OTOG: variants seen among roughly 807,000 people sequenced by gnomAD.
OTOG encodes the protein otogelin.
In OTOG, 296 loss-of-function variants were observed where a neutral mutation model predicts 313.8. That is an observed-to-expected ratio of 0.94 (90% confidence interval 0.86 to 1.04). OTOG has a LOEUF of 1.04. Ranked by LOEUF, OTOG falls within the 50% of genes least tolerant of loss-of-function variation. The pLI is 0.00. For missense variants in OTOG, 3,948 were observed against 3,840.1 expected, an observed-to-expected ratio of 1.03 and a Z score of -0.74; for synonymous variants, 1,533 against 1,554.9, an observed-to-expected ratio of 0.99 and a Z score of 0.33.
chr11:17,575,313 A>C (rs1332353731), intron 20 of OTOG, among the ~76,000 whole-genome samples: 1 of 152,224 alleles, frequency 6.6e-6, no homozygotes, highest in Non-Finnish European at 1.5e-5. Flanking sequence ...CAAGACAGAC[A>C]CATAAATGAA....
intron 24 of OTOG, 123 bp downstream of exon 24, chr11:17,586,704 G>A: frequency 2.1e-6 from 1 of 486,712 alleles, no homozygotes. Flanking sequence ...TTGTGCGTTT[G>A]TGTGTTGTGT....
At position 17,557,336 on chromosome 11, in the gene OTOG, C is replaced by T. The variant is rs1267742230; in HGVS notation, c.865+13C>T. The T allele has an allele frequency of 1.3e-6, 2 of 1,549,512 alleles. No homozygotes were observed. Among genetic ancestry groups the T allele is most frequent in the Non-Finnish European group, 1.7e-6 (2 of 1,146,600 alleles). On this transcript the variant is annotated intron_variant, in intron 8 of 55. Coordinates refer to ENST00000399397, the MANE Select transcript of OTOG (RefSeq NM_001292063.2). ...GTGACCAGCTCTGGTGAGGGTCAGA[C>T]AGGTGGCCTCTGAGGGGTGTTGGTG...
At position 17,596,923 on chromosome 11, in the gene OTOG, T is replaced by A. The variant is rs932969509; in HGVS notation, c.3598T>A (p.Cys1200Ser). Residue 1200 changes from cysteine to serine, a missense_variant, in exon 30 of 56, where the codon TGC (cysteine) becomes AGC (serine). Cys to Ser is a moderately radical substitution (Grantham distance 112). Transcript: ENST00000399397. The stretch of plus-strand genomic sequence containing the variant: ...CTGCAGCCAGGGTGGTGACTGTGAG[T>A]GCTTCTGTGCCAGCGTCTCCGCTTA... ...CGCSQGGDCE[C>S]FCASVSAYAH... 6 of 1,550,664 alleles carry A rather than the reference T, an allele frequency of 3.9e-6. No homozygotes were observed. In the Admixed American group the frequency reaches 1.2e-4, roughly 30 times the overall value.
chr11:17,552,614 C>CTGTGTCTCCCCCCTGTCCTG (rs1158447407), intron 4 of OTOG, among the ~76,000 whole-genome samples: 1 of 151,698 alleles, frequency 6.6e-6, no homozygotes, highest in Non-Finnish European at 1.5e-5. Context: ...CCCACCTGTC[C>CTGTGTCTCCCCCCTGTCCTG]TCTCACATCA....
At chr11:17,577,155 G>A (rs1200775009) in intron 22 of OTOG, among the ~76,000 whole-genome samples, 1 of 152,222 alleles carries the variant, frequency 6.6e-6, no homozygotes, top group Non-Finnish European at 1.5e-5. Flanking sequence ...CTGAGACTTT[G>A]TCTTCCTTCA....
chr11:17,629,071 G>A, intron 39 of OTOG, 62 bp from the exon 40 acceptor site: 3 of 1,432,466 alleles, frequency 2.1e-6, no homozygotes, highest in South Asian at 1.3e-5. Flanking sequence ...CGGACAGATG[G>A]ATGGATGGAT....
intron 39 of OTOG, among the ~76,000 whole-genome samples, chr11:17,625,821 C>T (rs1008136464): frequency 1.1e-4 from 17 of 152,110 alleles, no homozygotes; most frequent in African/African-American, 3.9e-4. Context: ...TCCCATTTGT[C>T]CATTTTGCTT....
At chr11:17,552,337 C>A (rs2133996296) in intron 4 of OTOG, among the ~76,000 whole-genome samples, 1 of 152,324 alleles carries the variant, frequency 6.6e-6, no homozygotes, top group South Asian at 2.1e-4. Context: ...TCCAGTGAGA[C>A]TGTGCTTCAT....
At position 17,558,541 on chromosome 11, in the gene OTOG, G is replaced by T. The variant is rs553254322; in HGVS notation, c.1000G>T (p.Val334Leu). Residue 334 changes from valine (V) to leucine (L), a missense_variant, in exon 10 of 56, where the codon GTG becomes TTG. Physicochemically the swap from Val to Leu is conservative, Grantham distance 32. Coordinates refer to ENST00000399397, the MANE Select transcript of OTOG (RefSeq NM_001292063.2). Reference sequence around the variant, plus strand: ...GGCTCCTGGTCCCTTGCTCTAGGGCGTGTACGAGCAGTGTGAGGCTCTACT... The same window carrying T: ...GGCTCCTGGTCCCTTGCTCTAGGGCTTGTACGAGCAGTGTGAGGCTCTACT... ...LQQNPGTMQG[V>L]YEQCEALLRP... The T allele has an allele frequency of 4.5e-6, 7 of 1,550,308 alleles. No individual in the cohort carries two copies. Among genetic ancestry groups the T allele is most frequent in the African/African-American group, 1.4e-5 (1 of 73,060 alleles).
intron 7 of OTOG, among the ~76,000 whole-genome samples, chr11:17,556,130 A>G (rs1352020998): frequency 6.6e-6 from 1 of 152,134 alleles, no homozygotes; most frequent in African/African-American, 2.4e-5. Context: ...TCCAGACAGC[A>G]GGCTTTCAGG....
chr11:17,588,627 C>T (rs1852861520), intron 24 of OTOG, among the ~76,000 whole-genome samples: 1 of 152,158 alleles, frequency 6.6e-6, no homozygotes, highest in Non-Finnish European at 1.5e-5. Flanking sequence ...TGCCCCTTTA[C>T]TTCTAAAGAT....
At chr11:17,589,256 C>T (rs140608909) in intron 24 of OTOG, among the ~76,000 whole-genome samples, 170 of 152,262 alleles carry the variant, frequency 1.1e-3, no homozygotes, top group Non-Finnish European at 2.1e-3. Context: ...ATTGTATTTC[C>T]CGGGTCTCCT....
chr11:17,612,738 T>A lies in OTOG; in HGVS notation c.6411T>A (p.His2137Gln). 2 of 1,550,558 alleles carry A rather than the reference T, an allele frequency of 1.3e-6. 1 individual carries two copies. The highest frequency in any genetic ancestry group is 2.4e-5 in the South Asian group (2 of 84,058). Reference protein sequence around the residue: ...SQSPDEMLTVHVLDCKSANLG... With the variant: ...SQSPDEMLTVQVLDCKSANLG... ...GCCCAGATGAAATGCTCACCGTCCA[T>A]GTACTGGACTGCAAAAGTGCCAACC... Residue 2137 changes from histidine to glutamine, a missense_variant, in exon 38 of 56, where the codon CAT (histidine) becomes CAA (glutamine). Transcript: ENST00000399397.
At chr11:17,623,086 G>A (rs554740157) in intron 39 of OTOG, among the ~76,000 whole-genome samples, 61 of 152,240 alleles carry the variant, frequency 4.0e-4, no homozygotes, top group African/African-American at 1.4e-3. Flanking sequence ...GCATTTCTCT[G>A]ATGATCCATG....
rs770794840 is a variant in OTOG at position 17,572,141 on chromosome 11, T to C, written c.2017T>C (p.Ser673Pro). 1.3e-6 allele frequency: 2 copies of C among 1,550,528 alleles called. No homozygotes were observed. The highest frequency in any genetic ancestry group is 2.0e-5 in the Admixed American group (1 of 50,996). Residue 673 changes from serine to proline, a missense_variant, in exon 18 of 56, where the codon TCT (serine) becomes CCT (proline). By Grantham distance (74) the Ser-to-Pro change is moderately conservative. Transcript: ENST00000399397. ...QLFGNSWKTL[S>P]ACSPLVSGSP... ...TTTTGGCAATTCCTGGAAAACACTT[T>C]CTGCTTGCTCCCCGCTGGTCTCTGG...
intron 50 of OTOG, 38 bp downstream of exon 50, chr11:17,640,858 G>A (rs1847954859): frequency 6.5e-7 from 1 of 1,549,798 alleles, no homozygotes; most frequent in Non-Finnish European, 8.7e-7. Context: ...CCATGCAGGA[G>A]GGGCATGGGT....
At chr11:17,617,561 A>C (rs1272574188) in intron 39 of OTOG, among the ~76,000 whole-genome samples, 2 of 152,120 alleles carry the variant, frequency 1.3e-5, no homozygotes, top group East Asian at 3.9e-4. Flanking sequence ...GAATTTGTCC[A>C]TTTCATCCAA....
Position 17,607,182 on chromosome 11 carries a change from T to C in OTOG, c.4156+1047T>C, listed in dbSNP as rs550040865. Among the ~76,000 whole-genome samples the C allele has an allele frequency of 2.6e-5, 4 of 152,350 alleles. No individual in the cohort carries two copies. The South Asian group carries it at 8.3e-4, about 32-fold the overall frequency. On this transcript the variant is annotated intron_variant, in intron 33 of 55. Coordinates refer to ENST00000399397, the MANE Select transcript of OTOG (RefSeq NM_001292063.2). Reference sequence around the variant, plus strand: ...TTGCCTTGTGCTGGCACATAGTAGGTGCTCCCCAAATGTAAGTTAGACTTT... The same window carrying C: ...TTGCCTTGTGCTGGCACATAGTAGGCGCTCCCCAAATGTAAGTTAGACTTT...
chr11:17,612,079 G>T, intron 36 of OTOG, 83 bp from the exon 37 acceptor site: 2 of 1,485,754 alleles, frequency 1.3e-6, no homozygotes, highest in Non-Finnish European at 1.8e-6. Flanking sequence ...CCTACATGTG[G>T]GAAGGATCTG....
Sources: gnomAD v4.1 joint callset for allele counts (sites outside exome capture counted in the v4.1 genomes callset) on GRCh38, gnomAD v4.1.1 for gene constraint, MANE v1.5 for transcripts, NCBI Gene and HGNC (gene_info 2026-07-23, HGNC 2026-07-21) for gene names.